Variants in OPALIN observed in about 807,000 individuals in gnomAD.
OPALIN encodes transmembrane protein 10.
Under a neutral mutation model 17.8 loss-of-function variants are expected in OPALIN, and 15 were observed. The observed-to-expected ratio is 0.84, with a 90% CI of 0.56 to 1.29. The LOEUF is 1.29. Among genes scored for constraint, OPALIN ranks in the 50% most tolerant of loss-of-function variants. The pLI is 0.00. For synonymous variants in OPALIN, 62 were observed against 63.8 expected (o/e 0.97, Z 0.14); for missense variants, 170 against 176.0 (o/e 0.97, Z 0.19).
At chr10:96,356,800 C>A in intron 1 of OPALIN, 1 of 797,096 alleles carries the variant, frequency 1.3e-6, no homozygotes, top group Non-Finnish European at 1.5e-6. Context: ...CCTCTGCTCA[C>A]TTCTCCCCCT....
intron 2 of OPALIN, chr10:96,353,464 G>C (rs779495217): frequency 6.2e-7 from 1 of 1,604,008 alleles, no homozygotes; most frequent in Non-Finnish European, 8.5e-7. Flanking sequence ...ATTGTCCAGA[G>C]AGCTGCCCAG....
chr10:96,356,728 T>C (rs1010832845), intron 1 of OPALIN, among the ~76,000 whole-genome samples: 1 of 152,236 alleles, frequency 6.6e-6, no homozygotes, highest in Non-Finnish European at 1.5e-5. Context: ...CCCTAGCTTT[T>C]GCCCCAAATA....
In OPALIN at chr10:96,346,073, T is replaced by G; in HGVS notation, c.294A>C (p.Ala98=). 1.2e-6 allele frequency: 2 copies of G among 1,614,176 alleles called. No homozygotes were observed. Among genetic ancestry groups the G allele is most frequent in the Non-Finnish European group, 1.7e-6 (2 of 1,179,988 alleles). The change falls in exon 6 of 6, where the codon GCA becomes GCC. Residue 98 remains alanine (A), a synonymous_variant. Coordinates refer to ENST00000371172, the MANE Select transcript of OPALIN (RefSeq NM_033207.5). The part of the protein sequence containing the change: ...SPTHEKNTMG[A]QEAHIYVKTV... ...TCTTCACATATATGTGGGCCTCTTG[T>G]GCTCCCATCGTATTCTTCTCATGTG...
At chr10:96,346,773 A>G (rs1001019048) in intron 5 of OPALIN, among the ~76,000 whole-genome samples, 11 of 152,314 alleles carry the variant, frequency 7.2e-5, no homozygotes, top group African/African-American at 2.6e-4. Flanking sequence ...CTTTCTATCC[A>G]GGAGCATAGT....
intron 4 of OPALIN, 104 bp from the exon 5 acceptor site, chr10:96,348,449 A>G (rs1425406852): frequency 8.8e-6 from 5 of 568,600 alleles, no homozygotes; most frequent in African/African-American, 1.9e-5. Context: ...TTTAAATCTG[A>G]GTGTACATTA....
At chr10:96,357,424 T>C (rs1319090137) in intron 1 of OPALIN, among the ~76,000 whole-genome samples, 1 of 152,210 alleles carries the variant, frequency 6.6e-6, no homozygotes, top group African/African-American at 2.4e-5. Flanking sequence ...TCTGATGCAG[T>C]GCCCTTCAGA....
chr10:96,349,726 C>T lies in OPALIN; in HGVS notation c.173G>A (p.Ser58Asn), dbSNP rs777404201. The T allele has an allele frequency of 1.9e-6, 3 of 1,613,976 alleles. No individual in the cohort carries two copies. The highest frequency in any genetic ancestry group is 2.2e-5 in the East Asian group (1 of 44,880). The change falls in exon 4 of 6, where the codon AGC (serine) becomes AAC (asparagine). Residue 58 changes from serine to asparagine, a missense_variant. Coordinates refer to ENST00000371172, the MANE Select transcript of OPALIN (RefSeq NM_033207.5). ...LLFTLIHRRR[S>N]SIEAMEESDR... is the part of the protein sequence containing the mutation. ...AATCACCTCCATGGCCTCAATGCTG[C>T]TTCTTCTTCGGTGAATCAAAGTAAA...
chr10:96,348,265 G>A, intron 5 of OPALIN, 24 bp downstream of exon 5: 1 of 1,262,324 alleles, frequency 7.9e-7, no homozygotes, highest in South Asian at 1.3e-5. Flanking sequence ...ATGGTATATA[G>A]AGAGTATAAC....
chr10:96,353,517 T>C (rs1435332767), intron 2 of OPALIN: 3 of 1,202,342 alleles, frequency 2.5e-6, no homozygotes, highest in Non-Finnish European at 3.7e-6. Flanking sequence ...CAAAGCAAAA[T>C]GGTTGGTTGC....
chr10:96,346,142 A>T (rs757484994), intron 5 of OPALIN, 25 bp from the exon 6 acceptor site: 51 of 1,606,310 alleles, frequency 3.2e-5, no homozygotes, highest in Non-Finnish European at 5.1e-6. Flanking sequence ...TAGGTTTTTT[A>T]AAAACTACAG....
intron 2 of OPALIN, among the ~76,000 whole-genome samples, chr10:96,352,681 T>TAAAA (rs72007324): frequency 0.091 from 8,730 of 96,420 alleles, 407 homozygotes; most frequent in South Asian, 0.15. Flanking sequence ...TGGCTTTCAC[T>TAAAA]AAAAAAAAAA....
At chr10:96,355,747 C>T (rs2134033119) in intron 1 of OPALIN, among the ~76,000 whole-genome samples, 1 of 152,320 alleles carries the variant, frequency 6.6e-6, no homozygotes, top group East Asian at 1.9e-4. Context: ...CTAACAAGAA[C>T]ACCTGATCCT....
At chr10:96,353,283 G>A (rs1374752139) in intron 2 of OPALIN, among the ~76,000 whole-genome samples, 1 of 152,194 alleles carries the variant, frequency 6.6e-6, no homozygotes, top group Non-Finnish European at 1.5e-5. Context: ...GTCCTCAGCA[G>A]GGACTGGCCA....
chr10:96,351,297 C>T, intron 3 of OPALIN, 81 bp downstream of exon 3: 1 of 886,944 alleles, frequency 1.1e-6, no homozygotes, highest in African/African-American at 1.8e-5. Context: ...ACCTATCAAA[C>T]TTTAAAGCTC....
At chr10:96,346,364 T>TCCCAAACAAAA (rs1252794823) in intron 5 of OPALIN, among the ~76,000 whole-genome samples, 1 of 152,236 alleles carries the variant, frequency 6.6e-6, no homozygotes, top group Non-Finnish European at 1.5e-5. Context: ...TTCAGGCCAC[T>TCCCAAACAAAA]CAACTATCTT....
At position 96,348,297 on chromosome 10, in the gene OPALIN, T is replaced by C. The variant is rs1845424502; in HGVS notation, c.241A>G (p.Ile81Val). Residue 81 changes from isoleucine (I) to valine (V), a missense_variant, in exon 5 of 6, where the codon ATA (isoleucine) becomes GTA (valine). Ile to Val is a conservative substitution (Grantham distance 29). Coordinates refer to ENST00000371172, the MANE Select transcript of OPALIN (RefSeq NM_033207.5). ...EISEIDDNPKISENPRRSPTH... is the reference protein window; with the variant it reads ...EISEIDDNPKVSENPRRSPTH... Reference sequence around the variant, plus strand: ...TAACCAAGAGTTCTTACCTCAGATATCTTGGGATTGTCATCAATTTCTGAA... The same window carrying C: ...TAACCAAGAGTTCTTACCTCAGATACCTTGGGATTGTCATCAATTTCTGAA... 6.5e-7 allele frequency: 1 copy of C among 1,535,148 alleles called. No individual in the cohort carries two copies. The highest frequency in any genetic ancestry group is 9.0e-7 in the Non-Finnish European group (1 of 1,111,398).
intron 2 of OPALIN, among the ~76,000 whole-genome samples, chr10:96,351,658 T>C (rs1215683819): frequency 6.6e-6 from 1 of 152,224 alleles, no homozygotes; most frequent in African/African-American, 2.4e-5. Context: ...CCTGTGGATG[T>C]ACCGTGACAC....
intron 2 of OPALIN, among the ~76,000 whole-genome samples, chr10:96,354,375 C>G (rs1440939798): frequency 6.6e-6 from 1 of 152,126 alleles, no homozygotes; most frequent in African/African-American, 2.4e-5. Flanking sequence ...AGAATACATA[C>G]AAGGAAATTA....
rs201445887 is a variant in OPALIN at position 96,349,671 on chromosome 10, G to A, written c.192+36C>T. 5.8e-5 allele frequency: 93 copies of A among 1,597,396 alleles called. No homozygotes were observed. The East Asian group carries it at 1.3e-3, about 23-fold the overall frequency. On this transcript the variant is annotated intron_variant, in intron 4 of 5. Coordinates refer to ENST00000371172, the MANE Select transcript of OPALIN (RefSeq NM_033207.5). ...CCAGTTCACTGAAATACTGGTGGCT[G>A]CCTATACATCTGGACCCAAAGAAGC...
Sources: allele counts gnomAD v4.1 joint callset (sites outside exome capture counted in the v4.1 genomes callset), GRCh38; gene constraint gnomAD v4.1.1; transcripts MANE v1.5; gene names NCBI Gene and HGNC (gene_info 2026-07-23, HGNC 2026-07-21).